Variants in FYTTD1 observed in about 807,000 individuals in gnomAD.
FYTTD1 encodes the protein forty-two-three domain containing 1, also known as UAP56-interacting factor.
A neutral mutation model predicts 40.9 loss-of-function variants in FYTTD1; 22 were observed. That is an observed-to-expected ratio of 0.54 (90% CI 0.38 to 0.77). FYTTD1 has a LOEUF of 0.77. FYTTD1 is among the 30% of genes least tolerant of loss of function. FYTTD1 has a pLI of 0.00. For missense variants in FYTTD1, 351 were observed against 392.2 expected (o/e 0.90, Z 0.89); for synonymous variants, 140 against 137.9 (o/e 1.01, Z -0.10).
intron 1 of FYTTD1, among the ~76,000 whole-genome samples, chr3:197,752,922 A>G (rs1232843082): frequency 6.6e-6 from 1 of 152,148 alleles, no homozygotes; most frequent in Non-Finnish European, 1.5e-5. Flanking sequence ...TTACACCTAG[A>G]TTTCTTACGT....
intron 2 of FYTTD1, among the ~76,000 whole-genome samples, chr3:197,761,879 C>A (rs574739133): frequency 6.6e-6 from 1 of 152,304 alleles, no homozygotes; most frequent in East Asian, 1.9e-4. Context: ...GACTAGGTAG[C>A]TTATAAACAA....
At chr3:197,757,616 A>C (rs1442988292) in intron 2 of FYTTD1, among the ~76,000 whole-genome samples, 2 of 152,136 alleles carry the variant, frequency 1.3e-5, no homozygotes, top group South Asian at 2.1e-4. Flanking sequence ...CTCCACAAAA[A>C]ATTTAAAAAT....
chr3:197,764,285 C>A (rs940102751), intron 2 of FYTTD1, among the ~76,000 whole-genome samples: 1 of 152,184 alleles, frequency 6.6e-6, no homozygotes, highest in Non-Finnish European at 1.5e-5. Flanking sequence ...AGTATGTATA[C>A]ATTTTTCTTA....
intron 3 of FYTTD1, 81 bp from the exon 4 acceptor site, chr3:197,770,051 A>G: frequency 2.5e-6 from 2 of 803,110 alleles, no homozygotes; most frequent in South Asian, 3.3e-5. Context: ...ATCCTTGTTC[A>G]TTCTGCATCT....
At chr3:197,765,193 C>T (rs1354401216) in intron 2 of FYTTD1, among the ~76,000 whole-genome samples, 1 of 152,118 alleles carries the variant, frequency 6.6e-6, no homozygotes, top group Non-Finnish European at 1.5e-5. Context: ...CATTTGATTC[C>T]TATTTATGAG....
rs575036505 is a variant in FYTTD1, at chr3:197,773,221, G to A, written c.498-182G>A. Among the ~76,000 whole-genome samples the A allele has an allele frequency of 5.9e-5, 9 of 152,282 alleles. No individual in the cohort carries two copies. In the South Asian group the frequency reaches 1.4e-3, roughly 25 times the overall value. The stretch of plus-strand genomic sequence containing the variant: ...AACACGTGGTTATGTGCTATGCTTC[G>A]GAGGGAGGTATTTGTTAATCAAATC... On this transcript the variant is annotated intron_variant, in intron 4 of 8. Coordinates refer to ENST00000241502, the MANE Select transcript of FYTTD1 (RefSeq NM_032288.7).
At chr3:197,752,478 G>A (rs796144532) in intron 1 of FYTTD1, among the ~76,000 whole-genome samples, 10 of 152,232 alleles carry the variant, frequency 6.6e-5, no homozygotes, top group African/African-American at 2.4e-4. Flanking sequence ...GTGTATGTCT[G>A]TATGTATGCT....
intron 6 of FYTTD1, among the ~76,000 whole-genome samples, chr3:197,776,217 T>TTTC (rs1181874142): frequency 6.6e-6 from 1 of 151,000 alleles, no homozygotes; most frequent in African/African-American, 2.4e-5. Context: ...TTTTTTTTTT[T>TTTC]TTTTTTGAGA....
intron 2 of FYTTD1, among the ~76,000 whole-genome samples, chr3:197,759,999 T>C (rs1460046590): frequency 6.6e-6 from 1 of 151,410 alleles, no homozygotes; most frequent in East Asian, 2.0e-4. Flanking sequence ...TGGTAGAACA[T>C]ACGGAGTTGT....
rs772572730 is a variant in FYTTD1, at chr3:197,773,513, T to C, written c.594+14T>C. On this transcript the variant is annotated intron_variant, in intron 5 of 8. Coordinates refer to ENST00000241502, the MANE Select transcript of FYTTD1 (RefSeq NM_032288.7). Reference sequence around the variant, plus strand: ...AGAGGCCTGAAGGTATTTAAAAACTTTGGCAGTGTTTTTGTTTGTTTGTTT... The same window carrying C: ...AGAGGCCTGAAGGTATTTAAAAACTCTGGCAGTGTTTTTGTTTGTTTGTTT... 1.1e-5 allele frequency: 16 copies of C among 1,438,042 alleles called. No individual in the cohort carries two copies. The African/African-American group carries it at 2.2e-4, about 20-fold the overall frequency. The allele number at this position is 1,438,042 out of a possible 1,614,324, so 89.1% of individuals were successfully genotyped here.
In FYTTD1 at chr3:197,749,889, G is replaced by C; in HGVS notation, c.-83G>C. The C allele has an allele frequency of 1.2e-6, 1 of 868,572 alleles. No homozygotes were observed. Among genetic ancestry groups the C allele is most frequent in the Non-Finnish European group, 1.7e-6 (1 of 604,984 alleles). 53.8% of individuals were successfully genotyped at this position (868,572 alleles called of 1,614,324 possible). The stretch of plus-strand genomic sequence containing the variant: ...GGCGCGTGCGCGCTCCCTCGGTGCG[G>C]CGGGCTGCGTGCGCGAGTGGGAGGT... On this transcript the variant is annotated 5_prime_UTR_variant, in exon 1 of 9. Transcript: ENST00000241502.
At chr3:197,778,251 A>G in intron 7 of FYTTD1, 87 bp from the exon 8 acceptor site, 1 of 1,010,560 alleles carries the variant, frequency 9.9e-7, no homozygotes. Context: ...ACATTTGAAC[A>G]TGTGTACAAG....
At chr3:197,774,930 A>G (rs937481972) in intron 6 of FYTTD1, among the ~76,000 whole-genome samples, 3 of 152,278 alleles carry the variant, frequency 2.0e-5, no homozygotes, top group Non-Finnish European at 4.4e-5. Context: ...GCTAAAATAA[A>G]TAAATCTTGT....
chr3:197,773,413 C>G lies in FYTTD1; in HGVS notation c.508C>G (p.Pro170Ala). The change falls in exon 5 of 9, where the codon CCA becomes GCA. Residue 170 changes from proline to alanine, a missense_variant. Pro to Ala is a conservative substitution (Grantham distance 27, BLOSUM62 -1). Coordinates refer to ENST00000241502, the MANE Select transcript of FYTTD1 (RefSeq NM_032288.7). ...PSQLSRKNNI[P>A]ANFTRSGNKL... is the part of the protein sequence containing the mutation. ...GTGTTTTTGTTGCAGAAATAACATT[C>G]CAGCTAATTTTACCAGGAGTGGAAA... The G allele has an allele frequency of 6.3e-7, 1 of 1,591,350 alleles. No homozygotes were observed. The highest frequency in any genetic ancestry group is 8.6e-7 in the Non-Finnish European group (1 of 1,162,404).
chr3:197,761,113 T>TA (rs1278319374), intron 2 of FYTTD1, among the ~76,000 whole-genome samples: 8 of 151,704 alleles, frequency 5.3e-5, no homozygotes, highest in Non-Finnish European at 1.0e-4. Context: ...GTAGACTGTA[T>TA]AGAGTGTTCT....
Position 197,773,431 on chromosome 3 carries a change from A to G in FYTTD1, c.526A>G (p.Ser176Gly). 1 of 1,602,514 alleles carries G rather than the reference A, an allele frequency of 6.2e-7. No homozygotes were observed. The highest frequency in any genetic ancestry group is 8.5e-7 in the Non-Finnish European group (1 of 1,171,958). The change falls in exon 5 of 9, where the codon AGT (serine) becomes GGT (glycine). Residue 176 changes from serine to glycine, a missense_variant. Physicochemically the swap from Ser to Gly is moderately conservative, Grantham distance 56. Coordinates refer to ENST00000241502, the MANE Select transcript of FYTTD1 (RefSeq NM_032288.7). ...KNNIPANFTR[S>G]GNKLNHQKDT... ...TAACATTCCAGCTAATTTTACCAGGAGTGGAAATAAATTAAATCATCAGAA... is the reference window on the plus strand; with the variant it reads ...TAACATTCCAGCTAATTTTACCAGGGGTGGAAATAAATTAAATCATCAGAA...
At chr3:197,749,544 G>A (rs1728914364), upstream of FYTTD1, 2 of 1,291,132 alleles carry the variant, frequency 1.5e-6, no homozygotes, top group African/African-American at 1.5e-5. Flanking sequence ...GCTGCGTTGC[G>A]GTGGGCGCGA....
At chr3:197,750,241 G>C (rs1728965819) in intron 1 of FYTTD1, 167 bp downstream of exon 1, 1 of 842,038 alleles carries the variant, frequency 1.2e-6, no homozygotes, top group Non-Finnish European at 1.6e-6. Context: ...GCGCAGGCTC[G>C]ACGCCAGGTG....
intron 2 of FYTTD1, among the ~76,000 whole-genome samples, chr3:197,758,542 C>G (rs1009357169): frequency 2.2e-4 from 33 of 152,074 alleles, no homozygotes; most frequent in African/African-American, 7.7e-4. Context: ...CTAAGAAGAT[C>G]AGGAGTGATT....
Sources: allele counts gnomAD v4.1 joint callset (sites outside exome capture counted in the v4.1 genomes callset), GRCh38; gene constraint gnomAD v4.1.1; transcripts MANE v1.5; gene names NCBI Gene and HGNC (gene_info 2026-07-23, HGNC 2026-07-21).